Variants in BANP observed in about 807,000 individuals in gnomAD.
BANP encodes the protein BTG3 associated nuclear protein, also known as protein BANP.
Under a neutral mutation model 68.1 loss-of-function variants are expected in BANP, and 11 were observed. That is an observed-to-expected ratio of 0.16 (90% CI 0.10 to 0.27). The LOEUF (loss-of-function observed/expected upper bound fraction) is 0.27. Ranked by LOEUF, BANP falls within the 10% of genes least tolerant of loss-of-function variation. The pLI, the probability that BANP is intolerant of heterozygous loss-of-function variation, is 1.00. For synonymous variants in BANP, 329 were observed against 303.2 expected (o/e 1.09, Z -0.88); for missense variants, 504 against 722.7 (o/e 0.70, Z 3.47).
intron 2 of BANP, among the ~76,000 whole-genome samples, chr16:87,979,711 A>G (rs1307862726): frequency 2.6e-5 from 4 of 152,272 alleles, no homozygotes; most frequent in African/African-American, 4.8e-5. Context: ...ATTTTTTTCT[A>G]TCAGAAGTGT....
At chr16:88,021,068 G>T (rs2075946620) in intron 7 of BANP, among the ~76,000 whole-genome samples, 1 of 152,218 alleles carries the variant, frequency 6.6e-6, no homozygotes, top group African/African-American at 2.4e-5. Context: ...TGCTTGGGAA[G>T]TGCTGCCAAC....
intron 1 of BANP, chr16:87,969,886 C>T (rs1597889894): frequency 2.7e-5 from 4 of 147,828 alleles, no homozygotes; most frequent in African/African-American, 1.0e-4. Context: ...TCCTTATGCT[C>T]ATTTTTGATT....
rs2085341004 is a variant in BANP at position 88,057,364 on chromosome 16, A to C, written c.1312-7903A>C. The stretch of plus-strand genomic sequence containing the variant: ...AGGCTACCAGAGTAGCTGCCTGCGA[A>C]AGGAAACCTGGGCGTTACTGCTGCA... On this transcript the variant is annotated intron_variant, in intron 11 of 13. Coordinates refer to ENST00000682872, the MANE Select transcript of BANP (RefSeq NM_001386991.1). The surrounding 1 kb of genome is among the most constrained non-coding windows in gnomAD (Gnocchi z 4.6). 6.6e-6 allele frequency among the ~76,000 whole-genome samples: 1 copy of C among 152,080 alleles called. No homozygotes were observed. Among genetic ancestry groups the C allele is most frequent in the East Asian group, 1.9e-4 (1 of 5,170 alleles).
At chr16:87,973,539 T>C (rs2061488078) in intron 1 of BANP, among the ~76,000 whole-genome samples, 1 of 152,044 alleles carries the variant, frequency 6.6e-6, no homozygotes. Flanking sequence ...GGCATGCGGA[T>C]CACCTGAGGT....
Position 88,019,549 on chromosome 16 carries a change from C to T in BANP, c.895+882C>T, listed in dbSNP as rs1158291557. ...AGGATCTCAGCATGCCGGGGGCGTCCGGGATCTCAGCGTGCGGGGGGCGGG... is the reference window on the plus strand; with the variant it reads ...AGGATCTCAGCATGCCGGGGGCGTCTGGGATCTCAGCGTGCGGGGGGCGGG... On this transcript the variant is annotated intron_variant, in intron 7 of 13. Coordinates refer to ENST00000682872, the MANE Select transcript of BANP (RefSeq NM_001386991.1). 4.3e-5 allele frequency among the ~76,000 whole-genome samples: 4 copies of T among 93,050 alleles called. No homozygotes were observed. The Admixed American group carries it at 5.7e-4, about 13-fold the overall frequency. 61.0% of individuals were successfully genotyped at this position (93,050 alleles called of 152,430 possible). A position where few individuals can be genotyped will look rare whatever the true frequency, so the allele number is the denominator to read the frequency against.
intron 1 of BANP, among the ~76,000 whole-genome samples, chr16:87,962,674 TG>T (rs2059399850): frequency 6.6e-6 from 1 of 152,186 alleles, no homozygotes; most frequent in Admixed American, 6.6e-5. Context: ...AGCACACATT[TG>T]GGGGGCCATC....
chr16:87,970,821 C>A (rs1429794382), intron 1 of BANP, among the ~76,000 whole-genome samples: 2 of 152,036 alleles, frequency 1.3e-5, no homozygotes, highest in Non-Finnish European at 2.9e-5. Flanking sequence ...GAGTTTGAGA[C>A]CAGCCTGGCC....
chr16:87,996,851 A>C (rs907232884), intron 4 of BANP, among the ~76,000 whole-genome samples: 1 of 152,244 alleles, frequency 6.6e-6, no homozygotes, highest in African/African-American at 2.4e-5. Flanking sequence ...CAAATCTGTG[A>C]AAACAGTTTA....
intron 4 of BANP, among the ~76,000 whole-genome samples, chr16:87,992,412 C>T (rs548923226): frequency 6.6e-6 from 1 of 152,116 alleles, no homozygotes; most frequent in African/African-American, 2.4e-5. Context: ...GAAAATGTTT[C>T]TGTGAGATTA....
At chr16:88,038,052 G>C (rs758843447) in intron 11 of BANP, 41 bp downstream of exon 11, 2 of 1,602,512 alleles carry the variant, frequency 1.2e-6, no homozygotes, top group Non-Finnish European at 1.7e-6. Flanking sequence ...GCGTTGCGCT[G>C]CCGAGGGATG....
At chr16:87,967,337 A>C (rs564463472) in intron 1 of BANP, among the ~76,000 whole-genome samples, 1 of 142,746 alleles carries the variant, frequency 7.0e-6, no homozygotes, top group East Asian at 2.1e-4. Context: ...TCCAACTCTG[A>C]CCTCAGGTGA....
chr16:87,966,555 T>C (rs936389055), intron 1 of BANP: 2 of 152,212 alleles, frequency 1.3e-5, no homozygotes, highest in Non-Finnish European at 2.9e-5. Flanking sequence ...AACAGAGGCA[T>C]TTTGAGTAAA....
chr16:87,976,351 C>G (rs1411648023), intron 2 of BANP, among the ~76,000 whole-genome samples: 1 of 152,014 alleles, frequency 6.6e-6, no homozygotes, highest in Non-Finnish European at 1.5e-5. Flanking sequence ...AGGCACATGT[C>G]TACTTTGAAA....
In BANP at chr16:88,064,624, C is replaced by A. The variant is rs1243072484; in HGVS notation, c.1312-643C>A. On this transcript the variant is annotated intron_variant, in intron 11 of 13. Transcript: ENST00000682872. The surrounding 1 kb of genome is among the most constrained non-coding windows in gnomAD (Gnocchi z 4.5). ...ACCACGTGGCACTCCCCGAGGAGGC[C>A]TGGGGACCCCTCCTGGACATGCCTT... 6.6e-6 allele frequency among the ~76,000 whole-genome samples: 1 copy of A among 152,262 alleles called. No homozygotes were observed. Among genetic ancestry groups the A allele is most frequent in the East Asian group, 1.9e-4 (1 of 5,184 alleles).
At chr16:88,034,320 T>C (rs1267347370) in intron 9 of BANP, among the ~76,000 whole-genome samples, 4 of 152,358 alleles carry the variant, frequency 2.6e-5, no homozygotes, top group African/African-American at 9.6e-5. Flanking sequence ...GATAACTTTG[T>C]CATAAGGCTT....
At chr16:88,009,607 AAGC>A (rs2072397210) in intron 6 of BANP, among the ~76,000 whole-genome samples, 1 of 152,234 alleles carries the variant, frequency 6.6e-6, no homozygotes, top group Non-Finnish European at 1.5e-5. Context: ...CAGCTATTGA[AAGC>A]AGGGAACAGT....
intron 4 of BANP, among the ~76,000 whole-genome samples, chr16:87,996,069 T>C (rs1235762300): frequency 6.6e-6 from 1 of 152,202 alleles, no homozygotes; most frequent in Non-Finnish European, 1.5e-5. Flanking sequence ...TCCATGTCAG[T>C]TGAGGGTTAG....
intron 2 of BANP, among the ~76,000 whole-genome samples, chr16:87,975,681 A>T (rs1386698381): frequency 6.7e-6 from 1 of 149,904 alleles, no homozygotes; most frequent in Non-Finnish European, 1.5e-5. Context: ...GGCGTCATGG[A>T]ACCTTACCAT....
intron 12 of BANP, among the ~76,000 whole-genome samples, chr16:88,067,840 G>T (rs2089153946): frequency 1.3e-5 from 2 of 152,150 alleles, no homozygotes; most frequent in Admixed American, 1.3e-4. Flanking sequence ...TTCCTGCATG[G>T]TTACACCCTG....
Sources: allele counts gnomAD v4.1 joint callset (sites outside exome capture counted in the v4.1 genomes callset), GRCh38; gene constraint gnomAD v4.1.1; non-coding constraint Gnocchi (gnomAD v3.1); transcripts MANE v1.5; gene names NCBI Gene and HGNC (gene_info 2026-07-23, HGNC 2026-07-21).